The following SMG1 variants were observed in gnomAD, a reference collection of about 807,000 sequenced individuals.
The protein encoded by SMG1 is serine/threonine-protein kinase SMG1.
A neutral mutation model predicts 419.9 loss-of-function variants in SMG1; 22 were observed. The observed-to-expected ratio is 0.05, with a 90% confidence interval of 0.04 to 0.07. SMG1 has a LOEUF of 0.07. Ranked by LOEUF, SMG1 falls within the 10% of genes least tolerant of loss-of-function variation. SMG1 has a pLI of 1.00. For synonymous variants in SMG1, 1,538 were observed against 1,553.5 expected, an observed-to-expected ratio of 0.99 and a Z score of 0.23; for missense variants, 3,185 against 4,342.0, an observed-to-expected ratio of 0.73 and a Z score of 7.49.
intron 62 of SMG1, among the ~76,000 whole-genome samples, chr16:18,810,413 G>C (rs1356588110): frequency 1.3e-5 from 2 of 152,200 alleles, no homozygotes; most frequent in African/African-American, 4.8e-5. Context: ...GAAGAGAAGA[G>C]GGAAAGGCTC....
At chr16:18,837,540 T>G in intron 45 of SMG1, 97 bp from the exon 46 acceptor site, 19 of 1,063,974 alleles carry the variant, frequency 1.8e-5, no homozygotes, top group Non-Finnish European at 2.4e-5. Flanking sequence ...CTTAAATCTC[T>G]ACAAAACCCG....
chr16:18,920,436 A>G (rs2038153636), intron 1 of SMG1, among the ~76,000 whole-genome samples: 1 of 151,990 alleles, frequency 6.6e-6, no homozygotes, highest in Non-Finnish European at 1.5e-5. Flanking sequence ...TAAAGATACA[A>G]TTACTAAGTG....
intron 8 of SMG1, 40 bp from the exon 9 acceptor site, chr16:18,884,207 A>T (rs761734714): frequency 2.1e-6 from 2 of 975,216 alleles, no homozygotes; most frequent in Non-Finnish European, 3.2e-6. Flanking sequence ...GTAGGGGGGA[A>T]AAAAACACCA....
Position 18,836,209 on chromosome 16 carries a change from G to C in SMG1, c.7781C>G (p.Pro2594Arg). The change falls in exon 48 of 63, where the codon CCT becomes CGT. Residue 2594 changes from proline to arginine, a missense_variant. By Grantham distance (103) the Pro-to-Arg change is moderately radical. This residue lies in a region of SMG1 where 412 missense variants were observed against 546.6 expected (regional missense o/e 0.75). Coordinates refer to ENST00000446231, the MANE Select transcript of SMG1 (RefSeq NM_015092.5). ...GGCTGTTGCTGGCACGTAACTTGGA[G>C]GACCTTTTGGTAAAAGACATTATTA... ...QEISTQMDLG[P>R]PSYVPATAFL... is the part of the protein sequence containing the mutation. The C allele has an allele frequency of 6.2e-7, 1 of 1,611,230 alleles. No homozygotes were observed. The highest frequency in any genetic ancestry group is 2.2e-5 in the East Asian group (1 of 44,792).
intron 9 of SMG1, among the ~76,000 whole-genome samples, chr16:18,883,107 T>C (rs1403555912): frequency 6.6e-6 from 1 of 152,190 alleles, no homozygotes; most frequent in Non-Finnish European, 1.5e-5. Flanking sequence ...AGGTACTGAA[T>C]TCCTGTCGAC....
In SMG1 at chr16:18,849,104, A is replaced by AAAAC. The variant is rs1555493199; in HGVS notation, c.5623+112_5623+113insGTTT. On this transcript the variant is annotated intron_variant, in intron 36 of 62. Coordinates refer to ENST00000446231, the MANE Select transcript of SMG1 (RefSeq NM_015092.5). ...AAAAAAAAAAAAAAAAAAAAAAAAA[A>AAAAC]AACCCTACAAACTCTAACAACTCTG... The AAAAC allele has an allele frequency of 2.6e-4, 68 of 262,630 alleles. 12 individuals carry two copies. The highest frequency in any genetic ancestry group is 4.2e-4 in the Admixed American group (6 of 14,308). The allele number at this position is 262,630 out of a possible 1,614,324, so 16.3% of individuals were successfully genotyped here. A position where few individuals can be genotyped will look rare whatever the true frequency, so the allele number is the denominator to read the frequency against.
At chr16:18,820,511 T>G (rs1266898087) in intron 55 of SMG1, among the ~76,000 whole-genome samples, 2 of 152,226 alleles carry the variant, frequency 1.3e-5, no homozygotes, top group African/African-American at 2.4e-5. Context: ...GCCAAGTTTA[T>G]GAACAATGGT....
intron 1 of SMG1, among the ~76,000 whole-genome samples, chr16:18,901,136 AAATT>A (rs1190558227): frequency 6.6e-6 from 1 of 152,252 alleles, no homozygotes; most frequent in Admixed American, 6.5e-5. Flanking sequence ...CTGAAATATT[AAATT>A]AATATAATTT....
At chr16:18,856,522 A>G (rs1312885469) in intron 29 of SMG1, 2 of 152,132 alleles carry the variant, frequency 1.3e-5, no homozygotes, top group African/African-American at 4.8e-5. Flanking sequence ...TATTTTTAGT[A>G]GAGATGGGGT....
At position 18,896,060 on chromosome 16, in the gene SMG1, T is replaced by C. The variant is rs539253989; in HGVS notation, c.404A>G (p.Lys135Arg). 1.0e-4 allele frequency: 163 copies of C among 1,611,528 alleles called. 1 individual carries two copies. In the South Asian group the frequency reaches 1.7e-3, roughly 17 times the overall value. ...SRALATKDMR[K>R]SQERSMSYSD... ...CGTTTTCCCAGCCTTACCCTGTGATTTCCTCATGTCTTTGGTGGCTAAAGC... is the reference window on the plus strand; with the variant it reads ...CGTTTTCCCAGCCTTACCCTGTGATCTCCTCATGTCTTTGGTGGCTAAAGC... The change falls in exon 3 of 63, where the codon AAA becomes AGA. Residue 135 changes from lysine to arginine, a missense_variant. By Grantham distance (26) the Lys-to-Arg change is conservative (BLOSUM62 2). This residue lies in a region of SMG1 where 42 missense variants were observed against 100.1 expected (regional missense o/e 0.42). Coordinates refer to ENST00000446231, the MANE Select transcript of SMG1 (RefSeq NM_015092.5).
intron 49 of SMG1, 52 bp downstream of exon 49, chr16:18,834,840 G>C (rs2033452839): frequency 1.9e-6 from 3 of 1,557,680 alleles, no homozygotes; most frequent in South Asian, 1.2e-5. Flanking sequence ...TTTAGGTTTG[G>C]GATTAAAAAT....
chr16:18,906,435 A>C (rs2037564950), intron 1 of SMG1, among the ~76,000 whole-genome samples: 1 of 152,108 alleles, frequency 6.6e-6, no homozygotes, highest in Non-Finnish European at 1.5e-5. Context: ...GTGAGCCAAG[A>C]CTGCACCACT....
At chr16:18,812,551 T>C (rs1013014581) in intron 60 of SMG1, among the ~76,000 whole-genome samples, 1 of 150,910 alleles carries the variant, frequency 6.6e-6, no homozygotes, top group Non-Finnish European at 1.5e-5. Flanking sequence ...TGAACTATTT[T>C]ATATATATAT....
intron 5 of SMG1, 104 bp downstream of exon 5, chr16:18,890,759 T>C (rs1320408260): frequency 2.6e-5 from 17 of 666,336 alleles, no homozygotes; most frequent in Non-Finnish European, 4.6e-5. Flanking sequence ...TGTCAATAGA[T>C]GTTCATAAAC....
At position 18,838,342 on chromosome 16, in the gene SMG1, G is replaced by A. The variant is rs769779234; in HGVS notation, c.7194+15C>T. The A allele has an allele frequency of 9.3e-6, 15 of 1,605,022 alleles. No homozygotes were observed. The highest frequency in any genetic ancestry group is 3.3e-5 in the South Asian group (3 of 90,478). On this transcript the variant is annotated intron_variant, in intron 44 of 62. Transcript: ENST00000446231. ...TTAACAAATACACTAAAAGGGAGAA[G>A]AGAAAACAGCATACCTGCTCACATG...
At chr16:18,897,165 C>T (rs1370589593) in intron 1 of SMG1, among the ~76,000 whole-genome samples, 8 of 152,168 alleles carry the variant, frequency 5.3e-5, no homozygotes, top group Non-Finnish European at 1.0e-4. Context: ...ACTTTTCAGT[C>T]TCTTCTATTG....
In SMG1 at chr16:18,841,560, T is replaced by G; in HGVS notation, c.6696+5A>C. ...CTAATACACTGTGTAGATGATTTAA[T>G]CAACCTTTTGTGCTTGTAAGGCAGC... On this transcript the variant is annotated splice_donor_5th_base_variant and intron_variant, in intron 41 of 62. Coordinates refer to ENST00000446231, the MANE Select transcript of SMG1 (RefSeq NM_015092.5). 6.2e-7 allele frequency: 1 copy of G among 1,612,434 alleles called. No homozygotes were observed. The highest frequency in any genetic ancestry group is 8.5e-7 in the Non-Finnish European group (1 of 1,178,784).
intron 38 of SMG1, among the ~76,000 whole-genome samples, chr16:18,847,076 C>T (rs1309263438): frequency 6.7e-6 from 1 of 149,630 alleles, no homozygotes; most frequent in Non-Finnish European, 1.5e-5. Context: ...TATCACGTTA[C>T]AACATAATAA....
Position 18,845,522 on chromosome 16 carries a change from A to C in SMG1, c.6126T>G (p.Asp2042Glu). ...AETPHEKWFQ[D>E]NYGDAIENAL... ...CATTTTCAATGGCATCACCATAGTTATCCTGAAACCATTTTTCATGAGGTG... is the reference window on the plus strand; with the variant it reads ...CATTTTCAATGGCATCACCATAGTTCTCCTGAAACCATTTTTCATGAGGTG... Residue 2042 changes from aspartate to glutamate, a missense_variant, in exon 39 of 63, where the codon GAT becomes GAG. Transcript: ENST00000446231. 1 of 1,613,948 alleles carries C rather than the reference A, an allele frequency of 6.2e-7. No homozygotes were observed. The highest frequency in any genetic ancestry group is 8.5e-7 in the Non-Finnish European group (1 of 1,179,874).
Sources: gnomAD v4.1 joint callset for allele counts (sites outside exome capture counted in the v4.1 genomes callset) on GRCh38, gnomAD v4.1.1 for gene constraint, gnomAD v4.1.1 regional missense constraint, MANE v1.5 for transcripts, NCBI Gene and HGNC (gene_info 2026-07-23, HGNC 2026-07-21) for gene names.